The following ZEB1 variants were observed in gnomAD, a reference collection of about 807,000 sequenced individuals.
ZEB1 encodes the protein zinc finger E-box binding homeobox 1.
ZEB1 carries 21 observed loss-of-function variants against 84.9 expected under a neutral mutation model. The observed-to-expected ratio is 0.25, with a 90% CI of 0.18 to 0.36. The LOEUF (loss-of-function observed/expected upper bound fraction) is 0.36. Ranked by LOEUF, ZEB1 falls within the 10% of genes least tolerant of loss-of-function variation. The pLI is 1.00. For missense variants in ZEB1, 1,104 were observed against 1,330.2 expected (o/e 0.83, Z 2.65); for synonymous variants, 420 against 471.1 (o/e 0.89, Z 1.41).
At chr10:31,462,595 G>A (rs888124970) in intron 2 of ZEB1, among the ~76,000 whole-genome samples, 1 of 152,068 alleles carries the variant, frequency 6.6e-6, no homozygotes, top group African/African-American at 2.4e-5. Flanking sequence ...AGGTTTTCAG[G>A]CAAAAGAGGC....
intron 1 of ZEB1, among the ~76,000 whole-genome samples, chr10:31,349,144 T>G (rs2040856332): frequency 6.6e-6 from 1 of 152,202 alleles, no homozygotes; most frequent in Non-Finnish European, 1.5e-5. Flanking sequence ...CTGTTTTAGA[T>G]TCCACGTATA....
intron 1 of ZEB1, among the ~76,000 whole-genome samples, chr10:31,383,804 G>T (rs2048124511): frequency 6.6e-6 from 1 of 152,004 alleles, no homozygotes; most frequent in Admixed American, 6.6e-5. Flanking sequence ...GTACAGTGTT[G>T]TAGAAAGAAC....
intron 5 of ZEB1, among the ~76,000 whole-genome samples, chr10:31,511,728 G>A (rs1482432268): frequency 6.6e-6 from 1 of 152,052 alleles, no homozygotes; most frequent in African/African-American, 2.4e-5. Flanking sequence ...CTACATACCT[G>A]AACTCTGCCC....
chr10:31,352,268 A>G (rs184163856), intron 1 of ZEB1, among the ~76,000 whole-genome samples: 3 of 152,298 alleles, frequency 2.0e-5, no homozygotes, highest in African/African-American at 7.2e-5. Context: ...TTGTTTTTCA[A>G]TGTAAAATGA....
intron 1 of ZEB1, chr10:31,373,008 G>A (rs992944195): frequency 3.0e-6 from 3 of 985,046 alleles, no homozygotes; most frequent in African/African-American, 1.8e-5. Flanking sequence ...ATAAAGTTTG[G>A]GTAATTTAGT....
intron 1 of ZEB1, among the ~76,000 whole-genome samples, chr10:31,403,976 A>C (rs896355456): frequency 1.3e-5 from 2 of 152,132 alleles, no homozygotes; most frequent in African/African-American, 4.8e-5. Flanking sequence ...GGAAATTCAC[A>C]TAGTCTTTAA....
chr10:31,384,091 T>G (rs1225781787), intron 1 of ZEB1, among the ~76,000 whole-genome samples: 1 of 148,376 alleles, frequency 6.7e-6, no homozygotes, highest in Non-Finnish European at 1.5e-5. Context: ...TTGTCCTGCC[T>G]CAGCTACCCA....
rs183644005 is a variant in ZEB1 at position 31,427,719 on chromosome 10, C to G, written c.59-33318C>G. 1.3e-3 allele frequency among the ~76,000 whole-genome samples: 200 copies of G among 152,040 alleles called. 1 individual carries two copies. Among genetic ancestry groups the G allele is most frequent in the African/African-American group, 4.4e-3 (182 of 41,506 alleles). On this transcript the variant is annotated intron_variant, in intron 1 of 8. Coordinates refer to ENST00000424869, the MANE Select transcript of ZEB1 (RefSeq NM_001174096.2). ...ATACAAACAAAAAAAATTAGCCGGG[C>G]GTGGTGGCGGGCGCCTGTAGTCCCA...
intron 2 of ZEB1, among the ~76,000 whole-genome samples, chr10:31,473,208 G>C (rs1242475842): frequency 2.0e-5 from 3 of 151,258 alleles, no homozygotes; most frequent in Non-Finnish European, 2.9e-5. Flanking sequence ...TTTCTGGCCA[G>C]GGCAATTAGG....
chr10:31,319,405 C>T (rs955948912), intron 1 of ZEB1, 113 bp downstream of exon 1: 56 of 1,060,538 alleles, frequency 5.3e-5, no homozygotes, highest in Non-Finnish European at 7.1e-5. Flanking sequence ...GCAGGGACGG[C>T]AAAGTGGAGT....
chr10:31,333,689 A>C (rs1027213257), intron 1 of ZEB1, among the ~76,000 whole-genome samples: 2 of 152,116 alleles, frequency 1.3e-5, no homozygotes, highest in Non-Finnish European at 1.5e-5. Flanking sequence ...ACAAAAGTAC[A>C]TAGCAGCAAT....
intron 1 of ZEB1, among the ~76,000 whole-genome samples, chr10:31,414,613 A>G (rs1454602409): frequency 1.3e-5 from 2 of 152,194 alleles, no homozygotes; most frequent in African/African-American, 4.8e-5. Context: ...CTAATTCTGT[A>G]TCTGCATTGA....
At chr10:31,522,059 A>G (rs1039121200) in intron 7 of ZEB1, 123 bp downstream of exon 7, 21 of 1,425,768 alleles carry the variant, frequency 1.5e-5, no homozygotes, top group Non-Finnish European at 2.0e-5. Flanking sequence ...TGTCATTTTT[A>G]AAAGGATCAA....
intron 2 of ZEB1, among the ~76,000 whole-genome samples, chr10:31,473,365 A>C (rs2063563751): frequency 6.6e-6 from 1 of 150,752 alleles, no homozygotes; most frequent in African/African-American, 2.4e-5. Context: ...GCAAAGTCTC[A>C]GGATACAAAA....
At chr10:31,428,884 T>TTTTTG (rs896907405) in intron 1 of ZEB1, among the ~76,000 whole-genome samples, 10 of 152,184 alleles carry the variant, frequency 6.6e-5, no homozygotes, top group East Asian at 1.9e-4. Context: ...CAACCCCTGC[T>TTTTTG]TTTTGTTTTG....
chr10:31,352,538 G>A (rs1426996203), intron 1 of ZEB1, among the ~76,000 whole-genome samples: 1 of 152,196 alleles, frequency 6.6e-6, no homozygotes, highest in Admixed American at 6.5e-5. Context: ...GACTGAGTGA[G>A]TCTTCTGCTT....
chr10:31,524,486 G>A (rs1316397195), intron 8 of ZEB1, among the ~76,000 whole-genome samples: 3 of 152,058 alleles, frequency 2.0e-5, no homozygotes, highest in African/African-American at 7.2e-5. Context: ...TGGTATTACA[G>A]GCATGAGCCA....
chr10:31,470,210 G>A (rs1285062738), intron 2 of ZEB1, among the ~76,000 whole-genome samples: 14 of 152,166 alleles, frequency 9.2e-5, no homozygotes, highest in South Asian at 6.2e-4. Context: ...AAAGCTGGAC[G>A]GAGAACGACT....
At position 31,445,212 on chromosome 10, in the gene ZEB1, T is replaced by C. The variant is rs1003950423; in HGVS notation, c.59-15825T>C. ...GGAGTTCACTCATGATTTGGCTTTCTGTTTGTCTGTTGTTGGTGTATAAGA... is the reference window on the plus strand; with the variant it reads ...GGAGTTCACTCATGATTTGGCTTTCCGTTTGTCTGTTGTTGGTGTATAAGA... On this transcript the variant is annotated intron_variant, in intron 1 of 8. Transcript: ENST00000424869. Among the ~76,000 whole-genome samples the C allele has an allele frequency of 4.5e-3, 657 of 147,468 alleles. 7 individuals carry two copies. The highest frequency in any genetic ancestry group is 0.017 in the African/African-American group (613 of 37,080).
Sources: allele counts gnomAD v4.1 joint callset (sites outside exome capture counted in the v4.1 genomes callset), GRCh38; gene constraint gnomAD v4.1.1; transcripts MANE v1.5; gene names NCBI Gene and HGNC (gene_info 2026-07-23, HGNC 2026-07-21).